HIPK2: variants seen among roughly 807,000 people sequenced by gnomAD.
HIPK2 encodes homeodomain-interacting protein kinase 2.
HIPK2 carries 27 observed loss-of-function variants against 113.7 expected under a neutral mutation model. The ratio of observed to expected loss-of-function variants is 0.24; its 90% CI spans 0.17 to 0.33. The LOEUF (loss-of-function observed/expected upper bound fraction) is 0.33. Among genes scored for constraint, HIPK2 ranks in the 10% least tolerant of loss-of-function variants. The probability of loss-of-function intolerance (pLI) is 1.00; values close to 1 mark genes in which losing one functional copy is unlikely to be tolerated. For synonymous variants in HIPK2, 631 were observed against 642.2 expected, an observed-to-expected ratio of 0.98 and a Z score of 0.26; for missense variants, 1,257 against 1,588.0, an observed-to-expected ratio of 0.79 and a Z score of 3.54.
intron 1 of HIPK2, among the ~76,000 whole-genome samples, chr7:139,734,082 G>A (rs991405375): frequency 2.0e-5 from 3 of 152,212 alleles, no homozygotes; most frequent in Non-Finnish European, 4.4e-5. Context: ...AATTAACGTG[G>A]TTTAGTGTAA....
At chr7:139,705,285 A>C (rs929987244) in intron 2 of HIPK2, among the ~76,000 whole-genome samples, 3 of 152,214 alleles carry the variant, frequency 2.0e-5, no homozygotes, top group African/African-American at 7.2e-5. Flanking sequence ...GGCATGGCAG[A>C]GGGCGAGTTA....
chr7:139,734,532 C>A (rs1365595783), intron 1 of HIPK2, among the ~76,000 whole-genome samples: 1 of 152,180 alleles, frequency 6.6e-6, no homozygotes, highest in Non-Finnish European at 1.5e-5. Flanking sequence ...CTTTCCACAC[C>A]CTGCCCCCTA....
At chr7:139,609,712 G>A (rs1799746360) in intron 9 of HIPK2, among the ~76,000 whole-genome samples, 1 of 152,152 alleles carries the variant, frequency 6.6e-6, no homozygotes, top group African/African-American at 2.4e-5. Context: ...CTAGGAGAGA[G>A]CCCATCTCAA....
At chr7:139,635,368 G>A (rs763106107) in intron 2 of HIPK2, among the ~76,000 whole-genome samples, 1 of 152,268 alleles carries the variant, frequency 6.6e-6, no homozygotes, top group South Asian at 2.1e-4. Flanking sequence ...TAGTTACGTG[G>A]TTCTCATGGC....
chr7:139,770,814 T>C (rs959143064), intron 1 of HIPK2, among the ~76,000 whole-genome samples: 1 of 152,258 alleles, frequency 6.6e-6, no homozygotes, highest in Non-Finnish European at 1.5e-5. Context: ...CAAAAGTACT[T>C]AGGCAAGAAT....
In HIPK2 at chr7:139,562,493, C is replaced by G. The variant is rs1053961799; in HGVS notation, c.*10434G>C. On this transcript the variant is annotated 3_prime_UTR_variant, in exon 15 of 15. Transcript: ENST00000406875. ...TCTGCAGATCCATTCTCTTTCTATCCTAATGGATACCATTTTTGGAAACGT... is the reference window on the plus strand; with the variant it reads ...TCTGCAGATCCATTCTCTTTCTATCGTAATGGATACCATTTTTGGAAACGT... 2 of 152,246 alleles carry G rather than the reference C, an allele frequency of 1.3e-5. No individual in the cohort carries two copies. The highest frequency in any genetic ancestry group is 4.8e-5 in the African/African-American group (2 of 41,466). 9.4% of individuals were successfully genotyped at this position (152,246 alleles called of 1,614,324 possible).
At chr7:139,744,568 T>C (rs917363527) in intron 1 of HIPK2, among the ~76,000 whole-genome samples, 1 of 152,250 alleles carries the variant, frequency 6.6e-6, no homozygotes, top group Admixed American at 6.5e-5. Flanking sequence ...CTTTCCGGTA[T>C]GTGAGTTATA....
At chr7:139,702,658 T>G (rs1411248477) in intron 2 of HIPK2, among the ~76,000 whole-genome samples, 1 of 152,174 alleles carries the variant, frequency 6.6e-6, no homozygotes, top group African/African-American at 2.4e-5. Context: ...AAAACCATGA[T>G]GTCTCATGCA....
In HIPK2 at chr7:139,683,411, A is replaced by G. The variant is rs1794115668; in HGVS notation, c.1103+32521T>C. ...CGATCAAGATGTTTCCAAGCTCCCC[A>G]AGGCAGCTGCGGTCTGTGAGCCTCA... On this transcript the variant is annotated intron_variant, in intron 2 of 14. Coordinates refer to ENST00000406875, the MANE Select transcript of HIPK2 (RefSeq NM_022740.5). The surrounding 1 kb of genome is among the most constrained non-coding windows in gnomAD (Gnocchi z 4.2). 6.6e-6 allele frequency among the ~76,000 whole-genome samples: 1 copy of G among 152,174 alleles called. No homozygotes were observed. The highest frequency in any genetic ancestry group is 1.9e-4 in the East Asian group (1 of 5,192).
intron 1 of HIPK2, among the ~76,000 whole-genome samples, chr7:139,749,044 T>C (rs1796237547): frequency 6.6e-6 from 1 of 152,228 alleles, no homozygotes; most frequent in African/African-American, 2.4e-5. Context: ...TTGAATACAG[T>C]GTGAAGGAAA....
At chr7:139,711,717 AC>A (rs1355175998) in intron 2 of HIPK2, among the ~76,000 whole-genome samples, 1 of 151,932 alleles carries the variant, frequency 6.6e-6, no homozygotes, top group African/African-American at 2.4e-5. Context: ...TAATGGAAAT[AC>A]CCCAGTACCA....
intron 1 of HIPK2, among the ~76,000 whole-genome samples, chr7:139,750,672 A>T (rs964744865): frequency 1.6e-4 from 25 of 152,180 alleles, no homozygotes; most frequent in Non-Finnish European, 1.5e-5. Context: ...GCTGAGTTGC[A>T]TTTTCATGTT....
Position 139,716,662 on chromosome 7 carries a change from T to C in HIPK2, c.373A>G (p.Thr125Ala). 6.2e-7 allele frequency: 1 copy of C among 1,613,932 alleles called. No individual in the cohort carries two copies. The highest frequency in any genetic ancestry group is 8.5e-7 in the Non-Finnish European group (1 of 1,179,868). ...MRRSTVSLLD[T>A]YQKCGLKRKS... ...CGCTTGAGTCCACATTTTTGGTAGG[T>C]ATCAAGGAGGCTCACAGTGCTTCGA... Residue 125 changes from threonine (T) to alanine (A), a missense_variant, in exon 2 of 15, where the codon ACC becomes GCC. This residue lies in a region of HIPK2 where 209 missense variants were observed against 237.8 expected (regional missense o/e 0.88). Coordinates refer to ENST00000406875, the MANE Select transcript of HIPK2 (RefSeq NM_022740.5). This position sits in a 1 kb window ranked among gnomAD's most constrained non-coding sequence, Gnocchi z 9.3.
intron 10 of HIPK2, among the ~76,000 whole-genome samples, chr7:139,602,685 G>A (rs547186412): frequency 8.5e-5 from 13 of 152,264 alleles, no homozygotes; most frequent in African/African-American, 2.6e-4. Flanking sequence ...AGGAGCTGGA[G>A]GAGGAAAGGC....
chr7:139,711,272 A>T (rs1230021266), intron 2 of HIPK2, among the ~76,000 whole-genome samples: 1 of 152,056 alleles, frequency 6.6e-6, no homozygotes, highest in Non-Finnish European at 1.5e-5. Flanking sequence ...CTAAAAATAC[A>T]AAAAAATTAG....
intron 13 of HIPK2, among the ~76,000 whole-genome samples, chr7:139,582,443 C>A (rs537649531): frequency 6.6e-6 from 1 of 152,228 alleles, no homozygotes; most frequent in Non-Finnish European, 1.5e-5. Context: ...GCCCCCAGGC[C>A]CACAGGAGCG....
intron 2 of HIPK2, among the ~76,000 whole-genome samples, chr7:139,693,028 G>A (rs911190948): frequency 1.3e-5 from 2 of 152,150 alleles, no homozygotes; most frequent in Admixed American, 1.3e-4. Context: ...GCAGGAAGGG[G>A]CTGGCATAAT....
intron 2 of HIPK2, among the ~76,000 whole-genome samples, chr7:139,675,249 G>A (rs556295568): frequency 2.6e-5 from 4 of 152,140 alleles, no homozygotes; most frequent in Non-Finnish European, 4.4e-5. Flanking sequence ...AAAAGAGTCC[G>A]TTATGTTAAA....
At chr7:139,644,787 T>C (rs1350343230) in intron 2 of HIPK2, among the ~76,000 whole-genome samples, 1 of 152,218 alleles carries the variant, frequency 6.6e-6, no homozygotes, top group Non-Finnish European at 1.5e-5. Context: ...GGAATTTCAA[T>C]TCCTGTGGAT....
Sources: gnomAD v4.1 joint callset for allele counts (sites outside exome capture counted in the v4.1 genomes callset) on GRCh38, gnomAD v4.1.1 for gene constraint, gnomAD v4.1.1 regional missense constraint, Gnocchi (gnomAD v3.1) non-coding constraint, MANE v1.5 for transcripts, NCBI Gene and HGNC (gene_info 2026-07-23, HGNC 2026-07-21) for gene names.